Variants in ST18 observed in about 807,000 individuals in gnomAD.
The protein encoded by ST18 is ST18 C2H2C-type zinc finger transcription factor.
In ST18, 50 loss-of-function variants were observed where a neutral mutation model predicts 110.0. The observed-to-expected ratio is 0.45, with a 90% CI of 0.36 to 0.58. The LOEUF is 0.58. ST18 is among the 20% of genes least tolerant of loss of function. The pLI, the probability that ST18 is intolerant of heterozygous loss-of-function variation, is 0.00. For synonymous variants in ST18, 461 were observed against 452.4 expected (o/e 1.02, Z -0.24); for missense variants, 1,306 against 1,280.1 (o/e 1.02, Z -0.31).
At chr8:52,132,753 G>A (rs558237854) in intron 21 of ST18, among the ~76,000 whole-genome samples, 1 of 152,042 alleles carries the variant, frequency 6.6e-6, no homozygotes, top group South Asian at 2.1e-4. Flanking sequence ...AAGTTTCGGG[G>A]GAAAATGCTG....
At chr8:52,404,181 T>A (rs530186524) in intron 2 of ST18, 4 of 152,300 alleles carry the variant, frequency 2.6e-5, no homozygotes, top group African/African-American at 9.6e-5. Flanking sequence ...CACCATTAAT[T>A]AAAAATAAAT....
intron 8 of ST18, among the ~76,000 whole-genome samples, chr8:52,184,677 C>A (rs1004050791): frequency 5.3e-5 from 8 of 152,116 alleles, no homozygotes; most frequent in Non-Finnish European, 1.0e-4. Flanking sequence ...TTCAACTTAC[C>A]TACTATAGTA....
At chr8:52,246,800 A>G (rs2093895178) in intron 2 of ST18, 1 of 152,204 alleles carries the variant, frequency 6.6e-6, no homozygotes, top group South Asian at 2.1e-4. Flanking sequence ...ACAATATGCC[A>G]GGGGCATTAG....
intron 3 of ST18, among the ~76,000 whole-genome samples, chr8:52,226,800 C>A (rs1320162407): frequency 6.6e-6 from 1 of 152,068 alleles, no homozygotes; most frequent in Non-Finnish European, 1.5e-5. Context: ...ACAAATAAAG[C>A]TTTTTATTAT....
chr8:52,149,587 T>C (rs2132452735), intron 16 of ST18, 145 bp downstream of exon 16: 2 of 1,201,650 alleles, frequency 1.7e-6, no homozygotes, highest in African/African-American at 1.5e-5. Context: ...ACATTAAAAA[T>C]CACCACTTTA....
At chr8:52,166,075 C>G (rs1392586967) in intron 11 of ST18, among the ~76,000 whole-genome samples, 1 of 152,134 alleles carries the variant, frequency 6.6e-6, no homozygotes, top group Non-Finnish European at 1.5e-5. Context: ...GAGAGGAGGC[C>G]AGGAGGACCA....
In ST18 at chr8:52,221,070, T is replaced by TAA. The variant is rs199506688; in HGVS notation, c.-264-223_-264-222insTT. Among the ~76,000 whole-genome samples the TAA allele has an allele frequency of 2.1e-5, 3 of 145,832 alleles. No individual in the cohort carries two copies. In the East Asian group the frequency reaches 6.0e-4, roughly 29 times the overall value. On this transcript the variant is annotated intron_variant, in intron 4 of 25. Transcript: ENST00000689386. ...AAGCCAAATTTATTTTTGTCTTTAT[T>TAA]ACCAAACTACCTATCTCTATCTATC...
intron 2 of ST18, among the ~76,000 whole-genome samples, chr8:52,304,571 A>G (rs190037546): frequency 6.6e-6 from 1 of 152,254 alleles, no homozygotes; most frequent in Non-Finnish European, 1.5e-5. Context: ...GATGTTTATC[A>G]TATCAAAACT....
intron 15 of ST18, among the ~76,000 whole-genome samples, chr8:52,150,301 TAC>T (rs373654480): frequency 2.0e-5 from 3 of 151,804 alleles, no homozygotes; most frequent in Admixed American, 6.6e-5. Flanking sequence ...TGTATATATA[TAC>T]ACATACACAC....
chr8:52,249,361 T>C (rs1466278638), intron 2 of ST18: 1 of 152,446 alleles, frequency 6.6e-6, no homozygotes, highest in Non-Finnish European at 1.5e-5. Context: ...GACTTACCGG[T>C]GCCTCCTAGC....
chr8:52,322,674 C>A (rs991422848), intron 2 of ST18, among the ~76,000 whole-genome samples: 2 of 152,168 alleles, frequency 1.3e-5, no homozygotes, highest in African/African-American at 2.4e-5. Flanking sequence ...TGCTCCTTCA[C>A]GTGAAGGCAT....
At chr8:52,278,449 C>T (rs2095315123) in intron 2 of ST18, among the ~76,000 whole-genome samples, 1 of 152,174 alleles carries the variant, frequency 6.6e-6, no homozygotes, top group African/African-American at 2.4e-5. Flanking sequence ...ATCTACCAAC[C>T]TCTGGTTCCC....
intron 2 of ST18, among the ~76,000 whole-genome samples, chr8:52,264,589 A>G (rs1041685552): frequency 2.6e-5 from 4 of 152,214 alleles, no homozygotes; most frequent in African/African-American, 9.6e-5. Flanking sequence ...TGCCCTTCCC[A>G]TGAAACCTGA....
At chr8:52,243,174 G>T (rs2093578094) in intron 2 of ST18, among the ~76,000 whole-genome samples, 2 of 152,230 alleles carry the variant, frequency 1.3e-5, no homozygotes, top group East Asian at 1.9e-4. Context: ...TCTTACAGAG[G>T]TATAATGAGT....
chr8:52,192,401 C>A lies in ST18; in HGVS notation c.87-12089G>T, dbSNP rs73681226. Among the ~76,000 whole-genome samples the A allele has an allele frequency of 8.1e-3, 1,240 of 152,320 alleles. 13 individuals carry two copies. Among genetic ancestry groups the A allele is most frequent in the African/African-American group, 0.027 (1,134 of 41,568 alleles). ...TCATGCAGAGTGTCTGCTCTACCAA[C>A]AGGAAATCCTCATGCATCTCCCTGG... On this transcript the variant is annotated intron_variant, in intron 8 of 25. Transcript: ENST00000689386.
chr8:52,231,912 A>G (rs1238593760), intron 2 of ST18, among the ~76,000 whole-genome samples: 1 of 152,210 alleles, frequency 6.6e-6, no homozygotes, highest in Non-Finnish European at 1.5e-5. Context: ...GTGACATCAG[A>G]ATCTCCTGGA....
At chr8:52,114,213 A>C (rs2041653566) in intron 25 of ST18, among the ~76,000 whole-genome samples, 1 of 151,690 alleles carries the variant, frequency 6.6e-6, no homozygotes, top group Admixed American at 6.6e-5. Flanking sequence ...CAGGTGACCC[A>C]CCCGCTTCGG....
chr8:52,191,342 T>C (rs890395647), intron 8 of ST18, among the ~76,000 whole-genome samples: 1 of 152,146 alleles, frequency 6.6e-6, no homozygotes, highest in African/African-American at 2.4e-5. Flanking sequence ...TCCCTGACCA[T>C]GATGTCAGAG....
chr8:52,207,990 C>T (rs2080719938), intron 8 of ST18, among the ~76,000 whole-genome samples: 1 of 152,164 alleles, frequency 6.6e-6, no homozygotes, highest in Non-Finnish European at 1.5e-5. Context: ...CTTCTCGACA[C>T]CACCTGTAAC....
Sources: gnomAD v4.1 joint callset for allele counts (sites outside exome capture counted in the v4.1 genomes callset) on GRCh38, gnomAD v4.1.1 for gene constraint, MANE v1.5 for transcripts, NCBI Gene and HGNC (gene_info 2026-07-23, HGNC 2026-07-21) for gene names.